The following CLTRN variants were observed in gnomAD, a reference collection of about 807,000 sequenced individuals.
CLTRN encodes the protein collectrin.
In CLTRN, 12 loss-of-function variants were observed where a neutral mutation model predicts 14.5. The ratio of observed to expected loss-of-function variants is 0.83; its 90% CI spans 0.53 to 1.34. The LOEUF is 1.34. Ranked by LOEUF, CLTRN falls within the 40% of genes most tolerant of loss-of-function variation. The probability of loss-of-function intolerance (pLI) is 0.00; values close to 1 mark genes in which losing one functional copy is unlikely to be tolerated. For synonymous variants in CLTRN, 58 were observed against 56.5 expected (o/e 1.03, Z -0.12); for missense variants, 154 against 165.1 (o/e 0.93, Z 0.37).
chrX:15,671,839 TGC>T (rs1275175836), intron 1 of CLTRN, among the ~76,000 whole-genome samples: 35 of 66,165 alleles, frequency 5.3e-4, no homozygotes, highest in Admixed American at 1.6e-3. Flanking sequence ...CTTAATTTTA[TGC>T]GCGCACACAC....
At chrX:15,644,076 C>T (rs1057389921) in intron 4 of CLTRN, among the ~76,000 whole-genome samples, 3 of 111,758 alleles carry the variant, frequency 2.7e-5, no homozygotes, top group Non-Finnish European at 5.6e-5. Context: ...GTCTCGAATT[C>T]GTTTCACTTT....
rs866923177 is a variant in CLTRN at position 15,627,915 on chromosome X, C to A, written c.*56G>T. Reference sequence around the variant, plus strand: ...TCTGCTCTTGGTATTTCAGGATGCTCAGCAGTCACACAGAAACAAATGTTT... The same window carrying A: ...TCTGCTCTTGGTATTTCAGGATGCTAAGCAGTCACACAGAAACAAATGTTT... On this transcript the variant is annotated 3_prime_UTR_variant, in exon 6 of 6. Coordinates refer to ENST00000380342, the MANE Select transcript of CLTRN (RefSeq NM_020665.6). 1.1e-4 allele frequency: 98 copies of A among 914,088 alleles called. 1 individual carries two copies. The Middle Eastern group carries it at 2.1e-3, about 19-fold the overall frequency. 75.3% of individuals were successfully genotyped at this position (914,088 alleles called of 1,213,427 possible). A position where few individuals can be genotyped will look rare whatever the true frequency, so the allele number is the denominator to read the frequency against.
intron 3 of CLTRN, among the ~76,000 whole-genome samples, chrX:15,656,814 C>T (rs1341933200): frequency 1.8e-5 from 2 of 110,390 alleles, no homozygotes; most frequent in African/African-American, 6.6e-5. Flanking sequence ...AGCAGTATTA[C>T]CAGGACTCAT....
intron 3 of CLTRN, among the ~76,000 whole-genome samples, chrX:15,656,018 G>C (rs1929351116): frequency 9.0e-6 from 1 of 111,291 alleles, no homozygotes; most frequent in Non-Finnish European, 1.9e-5. Context: ...ATCTGCACAG[G>C]AACCCATTCC....
At chrX:15,630,182 G>T (rs1233667573) in intron 5 of CLTRN, among the ~76,000 whole-genome samples, 1 of 111,694 alleles carries the variant, frequency 9.0e-6, no homozygotes, top group East Asian at 2.8e-4. Flanking sequence ...TCAATTGCTG[G>T]TTGGCTAGAT....
intron 3 of CLTRN, among the ~76,000 whole-genome samples, chrX:15,648,278 G>T (rs1322045227): frequency 8.9e-6 from 1 of 112,019 alleles, no homozygotes; most frequent in East Asian, 2.8e-4. Context: ...TTAAAGGAAA[G>T]AAATAGCCCA....
At chrX:15,660,852 G>A (rs1471300994) in intron 2 of CLTRN, among the ~76,000 whole-genome samples, 1 of 109,419 alleles carries the variant, frequency 9.1e-6, no homozygotes, top group Non-Finnish European at 1.9e-5. Context: ...ACAAAAGAAT[G>A]GAAATGGAAA....
intron 3 of CLTRN, among the ~76,000 whole-genome samples, chrX:15,653,180 G>T (rs977408170): frequency 4.5e-5 from 5 of 110,897 alleles, no homozygotes; most frequent in East Asian, 2.8e-4. Flanking sequence ...GAAGTTTGGG[G>T]TTTTTTTTCC....
chrX:15,646,234 T>G (rs1425787999), intron 3 of CLTRN: 3 of 230,529 alleles, frequency 1.3e-5, no homozygotes, highest in Non-Finnish European at 2.5e-5. Context: ...ATGCAACACT[T>G]GGTGGCCAGA....
intron 5 of CLTRN, among the ~76,000 whole-genome samples, chrX:15,629,151 C>T (rs1168557104): frequency 9.0e-6 from 1 of 111,502 alleles, no homozygotes; most frequent in Non-Finnish European, 1.9e-5. Context: ...GGCTCCTGGA[C>T]TTGCAAAGGA....
At chrX:15,672,078 A>G (rs1440888764) in intron 1 of CLTRN, among the ~76,000 whole-genome samples, 1 of 112,214 alleles carries the variant, frequency 8.9e-6, no homozygotes, top group African/African-American at 3.2e-5. Flanking sequence ...ACATTTTTCT[A>G]CTTCAGAGAA....
At chrX:15,649,070 CA>C (rs1194647801) in intron 3 of CLTRN, among the ~76,000 whole-genome samples, 1 of 110,940 alleles carries the variant, frequency 9.0e-6, no homozygotes, top group African/African-American at 3.3e-5. Flanking sequence ...CAGCTGTAAA[CA>C]AAGCAAAATC....
chrX:15,655,171 C>T (rs1453293002), intron 3 of CLTRN, among the ~76,000 whole-genome samples: 1 of 112,044 alleles, frequency 8.9e-6, no homozygotes, highest in Non-Finnish European at 1.9e-5. Flanking sequence ...TACTCCCTCC[C>T]TGCCTGTGCT....
At position 15,644,685 on chromosome X, in the gene CLTRN, C is replaced by A. The variant is rs182209320; in HGVS notation, c.317+231G>T. 5.4e-5 allele frequency among the ~76,000 whole-genome samples: 6 copies of A among 111,739 alleles called. No individual in the cohort carries two copies. In the East Asian group the frequency reaches 1.7e-3, roughly 32 times the overall value. ...ACAATAAAAATGTCTCCAGACATTG[C>A]GAAATGTCTCCAGATATTGCCAAAT... On this transcript the variant is annotated intron_variant, in intron 4 of 5. Coordinates refer to ENST00000380342, the MANE Select transcript of CLTRN (RefSeq NM_020665.6).
chrX:15,627,983 G>A lies in CLTRN; in HGVS notation c.657C>T (p.Leu219=). 1 of 1,033,954 alleles carries A rather than the reference G, an allele frequency of 9.7e-7. No individual in the cohort carries two copies. The allele number at this position is 1,033,954 out of a possible 1,213,427, so 85.2% of individuals were successfully genotyped here. Reference sequence around the variant, plus strand: ...GAACAACAGCCCTTCAGAGAGGGGTGAGCCTCTCATCCTCTGTCATGAAGG... The same window carrying A: ...GAACAACAGCCCTTCAGAGAGGGGTAAGCCTCTCATCCTCTGTCATGAAGG... ...NDAFMTEDER[L]TPL is the part of the protein sequence containing the mutation. The change falls in exon 6 of 6, where the codon CTC becomes CTT. Residue 219 remains leucine (L), a synonymous_variant. Coordinates refer to ENST00000380342, the MANE Select transcript of CLTRN (RefSeq NM_020665.6).
intron 3 of CLTRN, among the ~76,000 whole-genome samples, chrX:15,651,163 A>G (rs1929204730): frequency 1.8e-5 from 2 of 111,657 alleles, no homozygotes; most frequent in Non-Finnish European, 3.8e-5. Flanking sequence ...CTGCACCTCA[A>G]TAGACAGGCC....
chrX:15,664,352 A>C lies in CLTRN; in HGVS notation c.102T>G (p.Ala34=). The change falls in exon 2 of 6, where the codon GCT becomes GCG. Residue 34 remains alanine (A), a synonymous_variant. Transcript: ENST00000380342. ...CTCCACTTACTGCTTTATCTCCCAG[A>C]GCTGTTCTGATACTAAGTCTCACTT... ...AFKVRLSIRT[A]LGDKAYAWDT... 1 of 1,192,412 alleles carries C rather than the reference A, an allele frequency of 8.4e-7. No homozygotes were observed. Among genetic ancestry groups the C allele is most frequent in the Non-Finnish European group, 1.1e-6 (1 of 884,042 alleles).
intron 3 of CLTRN, among the ~76,000 whole-genome samples, chrX:15,658,633 G>C (rs925462322): frequency 4.5e-5 from 5 of 110,726 alleles, no homozygotes; most frequent in African/African-American, 9.8e-5. Flanking sequence ...TAAATACCAA[G>C]AGTGGAAAGA....
chrX:15,631,160 G>C (rs1928686092), intron 5 of CLTRN, among the ~76,000 whole-genome samples: 1 of 112,172 alleles, frequency 8.9e-6, no homozygotes, highest in Admixed American at 9.5e-5. Flanking sequence ...AGATGAAGCT[G>C]TAAGTAGCAA....
Sources: gnomAD v4.1 joint callset for allele counts (sites outside exome capture counted in the v4.1 genomes callset) on GRCh38, gnomAD v4.1.1 for gene constraint, MANE v1.5 for transcripts, NCBI Gene and HGNC (gene_info 2026-07-23, HGNC 2026-07-21) for gene names.